Variants in SLC28A3 observed in about 807,000 individuals in gnomAD.
The protein encoded by SLC28A3 is concentrative Na(+)-nucleoside cotransporter 3.
SLC28A3 carries 68 observed loss-of-function variants against 84.2 expected under a neutral mutation model. That is an observed-to-expected ratio of 0.81 (90% CI 0.66 to 0.99). The LOEUF (loss-of-function observed/expected upper bound fraction) is 0.99, where lower values mean the gene tolerates loss of function less well. Ranked by LOEUF, SLC28A3 falls within the 50% of genes least tolerant of loss-of-function variation. SLC28A3 has a pLI of 0.00. For synonymous variants in SLC28A3, 267 were observed against 303.6 expected (o/e 0.88, Z 1.25); for missense variants, 712 against 841.5 (o/e 0.85, Z 1.90).
At chr9:84,348,023 AG>A in the SLC28A3 span, among the ~76,000 whole-genome samples, 7,549 of 152,210 alleles carry the variant, frequency 0.05, 567 homozygotes, top group African/African-American at 0.16. Flanking sequence ...TAAAGAGCCC[AG>A]GGTGCAAAAT....
chr9:84,309,821 T>A, intron 2 of SLC28A3, 107 bp from the exon 3 acceptor site: 1 of 821,690 alleles, frequency 1.2e-6, no homozygotes, highest in South Asian at 1.6e-5. Flanking sequence ...ATAGGTCCTT[T>A]TAAATTATTA....
chr9:84,322,919 C>T (rs867321663), intron 1 of SLC28A3, among the ~76,000 whole-genome samples: 2 of 152,272 alleles, frequency 1.3e-5, no homozygotes, highest in Middle Eastern at 3.4e-3. Flanking sequence ...ATCAGAATGA[C>T]TCAAGATGTT....
At chr9:84,340,768 T>A, upstream of SLC28A3, 1 of 869,738 alleles carries the variant, frequency 1.1e-6, no homozygotes, top group Non-Finnish European at 1.8e-6. Flanking sequence ...TGGAAACTTC[T>A]GCAATAATCT....
At chr9:84,364,120 C>CTT in the SLC28A3 span, among the ~76,000 whole-genome samples, 515 of 85,248 alleles carry the variant, frequency 6.0e-3, no homozygotes, top group Non-Finnish European at 8.3e-3. Context: ...CAGTTACACT[C>CTT]TTTTTTTTTT....
At chr9:84,343,506 C>G (rs1287430172), upstream of SLC28A3, among the ~76,000 whole-genome samples, 1 of 150,990 alleles carries the variant, frequency 6.6e-6, no homozygotes, top group Non-Finnish European at 1.5e-5. Context: ...GGGTTCAAAT[C>G]CTGGACTCTA....
At position 84,314,380 on chromosome 9, in the gene SLC28A3, C is replaced by A. The variant is rs567202155; in HGVS notation, c.61-926G>T. On this transcript the variant is annotated intron_variant, in intron 1 of 17. Transcript: ENST00000376238. ...GAGGTATCTAATATTTCTCCCATCT[C>A]ATTTCAACTTGCCGTTTTCTAGAGT... Among the ~76,000 whole-genome samples the A allele has an allele frequency of 3.3e-5, 5 of 152,260 alleles. No individual in the cohort carries two copies. In the South Asian group the frequency reaches 1.0e-3, roughly 32 times the overall value.
At chr9:84,299,932 A>G (rs985496869) in intron 5 of SLC28A3, among the ~76,000 whole-genome samples, 1 of 152,012 alleles carries the variant, frequency 6.6e-6, no homozygotes, top group African/African-American at 2.4e-5. Context: ...AGCTGGGATT[A>G]TAGGCATCTG....
rs56145118 is a variant in SLC28A3 at position 84,317,002 on chromosome 9, AAACAAC to A, written c.61-3554_61-3549del. ...GGCGACAGAGCAAGACTCCGTCTCA[AAACAAC>A]AACAACAACAACAACAACAACAACT... On this transcript the variant is annotated intron_variant, in intron 1 of 17. Coordinates refer to ENST00000376238, the MANE Select transcript of SLC28A3 (RefSeq NM_001199633.2). 1.1e-3 allele frequency among the ~76,000 whole-genome samples: 163 copies of A among 150,276 alleles called. 3 individuals are homozygous for A. The highest frequency in any genetic ancestry group is 3.4e-3 in the African/African-American group (139 of 40,640).
the SLC28A3 span, among the ~76,000 whole-genome samples, chr9:84,367,643 A>C: frequency 9.2e-5 from 14 of 152,234 alleles, no homozygotes; most frequent in African/African-American, 3.4e-4. Flanking sequence ...ATTTTTTACT[A>C]TCTCGGCAAG....
At chr9:84,290,313 T>G in intron 10 of SLC28A3, 34 bp from the exon 11 acceptor site, 1 of 1,611,072 alleles carries the variant, frequency 6.2e-7, no homozygotes. Flanking sequence ...GATTCCTTTT[T>G]AAATCTGTGT....
intron 2 of SLC28A3, 98 bp downstream of exon 2, chr9:84,313,261 C>A: frequency 1.0e-6 from 1 of 976,984 alleles, no homozygotes; most frequent in Non-Finnish European, 1.6e-6. Context: ...CCTCTGCGTG[C>A]CAGTGGGGCG....
chr9:84,312,340 G>C (rs1366034395), intron 2 of SLC28A3, among the ~76,000 whole-genome samples: 2 of 152,100 alleles, frequency 1.3e-5, no homozygotes, highest in African/African-American at 2.4e-5. Context: ...GATGACATAT[G>C]CATGTGGGTG....
chr9:84,335,769 A>T (rs1331678498), intron 1 of SLC28A3, among the ~76,000 whole-genome samples: 8 of 151,768 alleles, frequency 5.3e-5, no homozygotes, highest in Non-Finnish European at 1.2e-4. Flanking sequence ...ATACATATAT[A>T]ATATTAGCTT....
the SLC28A3 span, among the ~76,000 whole-genome samples, chr9:84,348,674 A>G: frequency 3.7e-4 from 56 of 152,338 alleles, no homozygotes; most frequent in Admixed American, 3.7e-3. Context: ...AGAGGTGATT[A>G]GGTCATGACA....
chr9:84,355,419 TG>T, the SLC28A3 span, among the ~76,000 whole-genome samples: 1 of 152,018 alleles, frequency 6.6e-6, no homozygotes, highest in African/African-American at 2.4e-5. Flanking sequence ...GCCTGGGTGA[TG>T]GGGTGAGACC....
the SLC28A3 span, among the ~76,000 whole-genome samples, chr9:84,362,320 G>A: frequency 6.6e-6 from 1 of 152,190 alleles, no homozygotes; most frequent in Non-Finnish European, 1.5e-5. Context: ...CTATAATAAA[G>A]TCAGAGCTAA....
intron 10 of SLC28A3, 50 bp downstream of exon 10, chr9:84,292,618 G>C (rs1224825574): frequency 1.4e-6 from 2 of 1,449,164 alleles, no homozygotes; most frequent in African/African-American, 1.4e-5. Flanking sequence ...TTTTTGGAAA[G>C]AGACGATCCA....
chr9:84,326,153 T>C (rs1826540452), intron 1 of SLC28A3, among the ~76,000 whole-genome samples: 1 of 152,118 alleles, frequency 6.6e-6, no homozygotes, highest in South Asian at 2.1e-4. Flanking sequence ...TTCTATTCTA[T>C]ATAAAATTCC....
chr9:84,306,825 G>A (rs1194303108), intron 3 of SLC28A3, among the ~76,000 whole-genome samples: 1 of 151,970 alleles, frequency 6.6e-6, no homozygotes, highest in Non-Finnish European at 1.5e-5. Context: ...AGTTGGGGAT[G>A]CATTAGCGGG....
Sources: gnomAD v4.1 joint callset for allele counts (sites outside exome capture counted in the v4.1 genomes callset) on GRCh38, gnomAD v4.1.1 for gene constraint, MANE v1.5 for transcripts, NCBI Gene and HGNC (gene_info 2026-07-23, HGNC 2026-07-21) for gene names.